The following FNBP4 variants were observed in gnomAD, a reference collection of about 807,000 sequenced individuals.
FNBP4 encodes formin-binding protein 4.
Under a neutral mutation model 119.3 loss-of-function variants are expected in FNBP4, and 34 were observed. The ratio of observed to expected loss-of-function variants is 0.28; its 90% CI spans 0.22 to 0.38. The LOEUF (loss-of-function observed/expected upper bound fraction) is 0.38. Among genes scored for constraint, FNBP4 ranks in the 10% least tolerant of loss-of-function variants. FNBP4 has a pLI of 1.00. For missense variants in FNBP4, 1,112 were observed against 1,228.9 expected, an observed-to-expected ratio of 0.90 and a Z score of 1.42; for synonymous variants, 462 against 430.6, an observed-to-expected ratio of 1.07 and a Z score of -0.90.
intron 6 of FNBP4, among the ~76,000 whole-genome samples, chr11:47,746,902 G>T (rs1352889847): frequency 6.6e-6 from 1 of 152,150 alleles, no homozygotes; most frequent in Admixed American, 6.6e-5. Context: ...CTAGTTCTAG[G>T]TAGGATTCAA....
chr11:47,720,569 A>AAAAAT (rs2097554491), intron 15 of FNBP4, among the ~76,000 whole-genome samples: 1 of 149,084 alleles, frequency 6.7e-6, no homozygotes, highest in Non-Finnish European at 1.5e-5. Context: ...CCGTCTCAAA[A>AAAAAT]AAATAAATAA....
chr11:47,724,036 A>G lies in FNBP4; in HGVS notation c.2456T>C (p.Ile819Thr), dbSNP rs1411970286. 2.4e-5 allele frequency: 39 copies of G among 1,614,156 alleles called. No homozygotes were observed. Among genetic ancestry groups the G allele is most frequent in the Non-Finnish European group, 3.2e-5 (38 of 1,180,034 alleles). The change falls in exon 14 of 17, where the codon ATA becomes ACA. Residue 819 changes from isoleucine to threonine, a missense_variant. By Grantham distance (89) the Ile-to-Thr change is moderately conservative. This residue lies in a region of FNBP4 where 826 missense variants were observed against 988.8 expected (regional missense o/e 0.84). Coordinates refer to ENST00000263773, the MANE Select transcript of FNBP4 (RefSeq NM_015308.5). ...GCTCTATGCACAATTACCTGTAGCT[A>G]TAGCTGACTGGCTATAGAGAACTGG... is the stretch of plus-strand genomic sequence containing the variant. ...SSPVLYSQSA[I>T]ATGHQAAGIG...
intron 3 of FNBP4, 48 bp from the exon 4 acceptor site, chr11:47,753,150 G>T: frequency 3.4e-6 from 5 of 1,459,310 alleles, no homozygotes; most frequent in Non-Finnish European, 4.6e-6. Context: ...TCAAAAACAA[G>T]AAACTTAAGG....
intron 2 of FNBP4, among the ~76,000 whole-genome samples, chr11:47,762,542 C>G (rs925927231): frequency 3.3e-5 from 5 of 152,100 alleles, no homozygotes; most frequent in African/African-American, 1.2e-4. Flanking sequence ...AAGCGATCCT[C>G]CTGCCTCAGT....
intron 8 of FNBP4, 92 bp from the exon 9 acceptor site, chr11:47,736,832 T>C: frequency 8.8e-7 from 1 of 1,130,050 alleles, no homozygotes; most frequent in Non-Finnish European, 1.3e-6. Context: ...TGCAAAAGAT[T>C]ATTAGTTCTT....
At chr11:47,755,800 A>T (rs1008786420) in intron 2 of FNBP4, among the ~76,000 whole-genome samples, 1 of 152,068 alleles carries the variant, frequency 6.6e-6, no homozygotes, top group African/African-American at 2.4e-5. Context: ...GTCTCCAAAA[A>T]AAAAACAAAA....
chr11:47,751,413 T>C, intron 4 of FNBP4, 123 bp from the exon 5 acceptor site: 2 of 1,121,562 alleles, frequency 1.8e-6, no homozygotes, highest in Admixed American at 2.0e-5. Context: ...GGCACACAGG[T>C]CTTTGTTGTG....
intron 12 of FNBP4, 174 bp from the exon 13 acceptor site, chr11:47,724,952 A>AT (rs1379153469): frequency 2.1e-6 from 2 of 955,056 alleles, no homozygotes; most frequent in Admixed American, 6.9e-5. Context: ...CTTGAAAAAA[A>AT]TTTGGCCCAC....
chr11:47,737,217 C>T (rs1565136737), intron 8 of FNBP4, among the ~76,000 whole-genome samples: 1 of 151,974 alleles, frequency 6.6e-6, no homozygotes, highest in Non-Finnish European at 1.5e-5. Flanking sequence ...AAATAAAAAT[C>T]CTTTATAATC....
chr11:47,717,809 T>C (rs2097551344), intron 16 of FNBP4, among the ~76,000 whole-genome samples: 2 of 151,970 alleles, frequency 1.3e-5, no homozygotes, highest in South Asian at 4.2e-4. Flanking sequence ...AGTGCAATGG[T>C]GCGATCTCGG....
At chr11:47,765,487 C>T in intron 1 of FNBP4, 125 bp from the exon 2 acceptor site, 1 of 620,036 alleles carries the variant, frequency 1.6e-6, no homozygotes, top group Non-Finnish European at 2.7e-6. Flanking sequence ...AACATTTCAG[C>T]TCTAGATTCC....
At chr11:47,745,134 T>A (rs553859615) in intron 7 of FNBP4, among the ~76,000 whole-genome samples, 1 of 152,284 alleles carries the variant, frequency 6.6e-6, no homozygotes, top group African/African-American at 2.4e-5. Context: ...ACAAATTGAT[T>A]GTAAAACGTG....
chr11:47,735,870 G>A (rs935232907), intron 9 of FNBP4, among the ~76,000 whole-genome samples: 6 of 151,998 alleles, frequency 3.9e-5, no homozygotes, highest in African/African-American at 1.4e-4. Flanking sequence ...ACGAGGTCAG[G>A]AGATCGAGAC....
chr11:47,761,292 T>G (rs1441732707), intron 2 of FNBP4, among the ~76,000 whole-genome samples: 4 of 152,138 alleles, frequency 2.6e-5, no homozygotes, highest in African/African-American at 7.2e-5. Context: ...TAAAATTGCT[T>G]TATCTTAGAA....
chr11:47,739,690 C>T lies in FNBP4; in HGVS notation c.1457-2950G>A, dbSNP rs115274936. 8.1e-3 allele frequency among the ~76,000 whole-genome samples: 1,226 copies of T among 152,224 alleles called. 18 individuals are homozygous for T. The highest frequency in any genetic ancestry group is 0.027 in the African/African-American group (1,129 of 41,548). On this transcript the variant is annotated intron_variant, in intron 8 of 16. Transcript: ENST00000263773. Reference sequence around the variant, plus strand: ...CTATAATTCCAGCACTTTGGGGGAGCGAGGCAGGAGCATCAATTGAGCCCA... The same window carrying T: ...CTATAATTCCAGCACTTTGGGGGAGTGAGGCAGGAGCATCAATTGAGCCCA...
At chr11:47,740,479 C>T (rs1331029872) in intron 8 of FNBP4, among the ~76,000 whole-genome samples, 1 of 151,452 alleles carries the variant, frequency 6.6e-6, no homozygotes, top group Admixed American at 6.6e-5. Context: ...ATTGAGTCTT[C>T]CCAGGTTTCT....
chr11:47,729,662 A>G (rs1285960240), intron 12 of FNBP4: 2 of 973,622 alleles, frequency 2.1e-6, no homozygotes, highest in East Asian at 2.3e-4. Context: ...GGCGTGGGCC[A>G]CTAACTATGC....
intron 12 of FNBP4, 154 bp from the exon 13 acceptor site, chr11:47,724,932 T>C: frequency 8.5e-7 from 1 of 1,177,694 alleles, no homozygotes; most frequent in Middle Eastern, 3.0e-4. Flanking sequence ...CAGCAGGGAA[T>C]GGCTCCTTCC....
At chr11:47,734,988 C>CAA (rs75294708) in intron 9 of FNBP4, among the ~76,000 whole-genome samples, 30 of 120,028 alleles carry the variant, frequency 2.5e-4, no homozygotes, top group Middle Eastern at 4.1e-3. Context: ...ACCCCCCCCC[C>CAA]CAAAAAAAAA....
Sources: allele counts gnomAD v4.1 joint callset (sites outside exome capture counted in the v4.1 genomes callset), GRCh38; gene constraint gnomAD v4.1.1; regional missense constraint gnomAD v4.1.1; transcripts MANE v1.5; gene names NCBI Gene and HGNC (gene_info 2026-07-23, HGNC 2026-07-21).